Variants in GABRA3 observed in about 807,000 individuals in gnomAD.
GABRA3 encodes the protein gamma-aminobutyric acid type A receptor subunit alpha3.
Under a neutral mutation model 30.1 loss-of-function variants are expected in GABRA3, and 10 were observed. That is an observed-to-expected ratio of 0.33 (90% CI 0.20 to 0.56). The LOEUF (loss-of-function observed/expected upper bound fraction) is 0.56, where lower values mean the gene tolerates loss of function less well. GABRA3 is among the 20% of genes least tolerant of loss of function. The pLI is 0.89. For synonymous variants in GABRA3, 151 were observed against 146.8 expected, an observed-to-expected ratio of 1.03 and a Z score of -0.21; for missense variants, 233 against 392.0, an observed-to-expected ratio of 0.59 and a Z score of 3.42.
At chrX:152,399,371 G>A (rs1024660461) in intron 1 of GABRA3, among the ~76,000 whole-genome samples, 3 of 111,758 alleles carry the variant, frequency 2.7e-5, no homozygotes, top group Non-Finnish European at 3.8e-5. Context: ...AATAGAGGAA[G>A]ATATCACTGG....
chrX:152,190,010 A>G (rs1210092607), intron 8 of GABRA3, 69 bp from the exon 9 acceptor site: 1 of 788,675 alleles, frequency 1.3e-6, no homozygotes, highest in Non-Finnish European at 1.8e-6. Flanking sequence ...TGAAATCACT[A>G]ATTTCCTATT....
chrX:152,397,038 T>C (rs1160415028), intron 1 of GABRA3, among the ~76,000 whole-genome samples: 3 of 111,614 alleles, frequency 2.7e-5, no homozygotes, highest in Non-Finnish European at 3.8e-5. Flanking sequence ...AAGATAACCA[T>C]AGAATCACGC....
At chrX:152,233,455 A>G (rs1451315329) in intron 5 of GABRA3, among the ~76,000 whole-genome samples, 5 of 109,872 alleles carry the variant, frequency 4.6e-5, no homozygotes, top group African/African-American at 6.7e-5. Context: ...AATGCTCATC[A>G]TCACTGGCCA....
At position 152,330,015 on chromosome X, in the gene GABRA3, A is replaced by C. The variant is rs1338045030; in HGVS notation, c.262+15566T>G. Among the ~76,000 whole-genome samples the C allele has an allele frequency of 2.7e-5, 3 of 111,956 alleles. No homozygotes were observed. The East Asian group carries it at 8.5e-4, about 32-fold the overall frequency. On this transcript the variant is annotated intron_variant, in intron 3 of 9. Coordinates refer to ENST00000370314, the MANE Select transcript of GABRA3 (RefSeq NM_000808.4). ...CAAATTTACAAGAAAAAAATCAAAC[A>C]ACCTCATCAAAAAGTGGGCAAAGGA...
At chrX:152,198,883 T>C (rs918905419) in intron 7 of GABRA3, among the ~76,000 whole-genome samples, 3 of 112,270 alleles carry the variant, frequency 2.7e-5, no homozygotes, top group East Asian at 2.8e-4. Context: ...AAAGATATGC[T>C]GAAGCCTTAG....
intron 3 of GABRA3, among the ~76,000 whole-genome samples, chrX:152,320,689 A>G (rs1433150203): frequency 9.0e-6 from 1 of 111,621 alleles, no homozygotes; most frequent in Non-Finnish European, 1.9e-5. Context: ...CTCATGTAAC[A>G]AAATACCACC....
rs138578971 is a variant in GABRA3 at position 152,250,706 on chromosome X, C to T, written c.551+5072G>A. 3.9e-3 allele frequency: 435 copies of T among 111,110 alleles called. 2 individuals carry two copies. Among genetic ancestry groups the T allele is most frequent in the Non-Finnish European group, 7.0e-3 (371 of 53,126 alleles). 9.2% of individuals were successfully genotyped at this position (111,110 alleles called of 1,213,427 possible). ...TAACGGGTTTTAGCCTGTATTTTTA[C>T]GGTTGTTCTGAGGTCCCAAGATGAG... On this transcript the variant is annotated intron_variant, in intron 5 of 9. Transcript: ENST00000370314.
chrX:152,296,996 C>T (rs1939541926), intron 3 of GABRA3, among the ~76,000 whole-genome samples: 1 of 111,679 alleles, frequency 9.0e-6, no homozygotes, highest in Non-Finnish European at 1.9e-5. Flanking sequence ...CCATGCCCGG[C>T]CAGCCAGCTG....
intron 8 of GABRA3, among the ~76,000 whole-genome samples, chrX:152,190,468 T>C (rs921952433): frequency 3.6e-5 from 4 of 111,355 alleles, no homozygotes; most frequent in African/African-American, 1.3e-4. Flanking sequence ...GTTCACCTCA[T>C]GAACTCCTTT....
chrX:152,322,922 G>A (rs1384164548), intron 3 of GABRA3, among the ~76,000 whole-genome samples: 6 of 92,060 alleles, frequency 6.5e-5, no homozygotes, highest in African/African-American at 8.5e-5. Context: ...GCGCAATCTC[G>A]GCTCACTGCA....
chrX:152,228,036 A>G (rs1356234103), intron 5 of GABRA3, among the ~76,000 whole-genome samples: 2 of 111,911 alleles, frequency 1.8e-5, no homozygotes, highest in African/African-American at 6.5e-5. Context: ...CACAAGCTAC[A>G]ATCATTGCCC....
intron 8 of GABRA3, among the ~76,000 whole-genome samples, chrX:152,193,306 T>G (rs1027111601): frequency 8.9e-6 from 1 of 111,885 alleles, no homozygotes; most frequent in Admixed American, 9.6e-5. Flanking sequence ...CACTTGTGTC[T>G]GGCTTCCTCC....
At chrX:152,278,723 C>T (rs1282481424) in intron 4 of GABRA3, among the ~76,000 whole-genome samples, 1 of 111,880 alleles carries the variant, frequency 8.9e-6, no homozygotes, top group Non-Finnish European at 1.9e-5. Flanking sequence ...TACACTCTCA[C>T]CAACAGTGTA....
intron 7 of GABRA3, among the ~76,000 whole-genome samples, chrX:152,200,049 T>C (rs929373707): frequency 1.8e-5 from 2 of 112,045 alleles, no homozygotes; most frequent in African/African-American, 3.2e-5. Context: ...AATGCATTCA[T>C]AGTACAGCTG....
intron 4 of GABRA3, among the ~76,000 whole-genome samples, 180 bp downstream of exon 4, chrX:152,284,488 A>G (rs891571078): frequency 9.0e-6 from 1 of 111,594 alleles, no homozygotes; most frequent in Non-Finnish European, 1.9e-5. Context: ...ATATGTGAAT[A>G]GGTGGGGAGA....
At chrX:152,263,521 A>C (rs1395634137) in intron 4 of GABRA3, among the ~76,000 whole-genome samples, 2 of 110,608 alleles carry the variant, frequency 1.8e-5, no homozygotes, top group Non-Finnish European at 3.8e-5. Flanking sequence ...TTGAATGTAC[A>C]CAGTAATAGG....
rs190545951 is a variant in GABRA3, at chrX:152,356,397, A to T, written c.140+8034T>A. On this transcript the variant is annotated intron_variant, in intron 2 of 9. Transcript: ENST00000370314. ...GTTGGATAAAATAATGCAGTAATGG[A>T]TTTTTTTCAATACACAAAAACATAA... Among the ~76,000 whole-genome samples the T allele has an allele frequency of 7.0e-3, 779 of 111,775 alleles. 5 individuals carry two copies. Among genetic ancestry groups the T allele is most frequent in the Non-Finnish European group, 9.9e-3 (525 of 53,107 alleles).
At chrX:152,416,448 C>G (rs1303687193) in intron 1 of GABRA3, among the ~76,000 whole-genome samples, 7 of 107,923 alleles carry the variant, frequency 6.5e-5, no homozygotes, top group Non-Finnish European at 1.3e-4. Flanking sequence ...CCATACTGCC[C>G]AAGGTAATTT....
At chrX:152,369,057 G>A (rs1223167283) in intron 1 of GABRA3, among the ~76,000 whole-genome samples, 1 of 111,152 alleles carries the variant, frequency 9.0e-6, no homozygotes, top group African/African-American at 3.3e-5. Flanking sequence ...TAATGGCTGT[G>A]CTAATTTGCA....
Sources: allele counts gnomAD v4.1 joint callset (sites outside exome capture counted in the v4.1 genomes callset), GRCh38; gene constraint gnomAD v4.1.1; transcripts MANE v1.5; gene names NCBI Gene and HGNC (gene_info 2026-07-23, HGNC 2026-07-21).